The following SGCZ variants were observed in gnomAD, a reference collection of about 807,000 sequenced individuals.
The protein encoded by SGCZ is zeta-sarcoglycan.
SGCZ carries 40 observed loss-of-function variants against 41.3 expected under a neutral mutation model. The ratio of observed to expected loss-of-function variants is 0.97; its 90% CI spans 0.75 to 1.26. SGCZ has a LOEUF of 1.26. SGCZ is among the 50% of genes most tolerant of loss of function. SGCZ has a pLI of 0.00. For synonymous variants in SGCZ, 206 were observed against 137.5 expected (o/e 1.50, Z -3.49); for missense variants, 552 against 369.8 (o/e 1.49, Z -4.04).
At chr8:15,065,990 C>T (rs1021993870) in intron 1 of SGCZ, among the ~76,000 whole-genome samples, 4 of 152,126 alleles carry the variant, frequency 2.6e-5, no homozygotes, top group African/African-American at 9.7e-5. Flanking sequence ...TGACTTTATT[C>T]TAGTATTCAT....
chr8:15,106,148 G>A (rs1238893841), intron 1 of SGCZ, among the ~76,000 whole-genome samples: 1 of 151,846 alleles, frequency 6.6e-6, no homozygotes, highest in Non-Finnish European at 1.5e-5. Flanking sequence ...AATTTCATAT[G>A]TTTATTTTTC....
intron 1 of SGCZ, among the ~76,000 whole-genome samples, chr8:14,605,355 T>C (rs990263738): frequency 6.6e-6 from 1 of 152,136 alleles, no homozygotes; most frequent in African/African-American, 2.4e-5. Flanking sequence ...GCAATCATAT[T>C]AGGGCAAATT....
intron 2 of SGCZ, among the ~76,000 whole-genome samples, chr8:14,433,723 T>C (rs1800009774): frequency 6.6e-6 from 1 of 152,228 alleles, no homozygotes; most frequent in African/African-American, 2.4e-5. Flanking sequence ...GAAGCAAATC[T>C]GATTTTCAAT....
intron 1 of SGCZ, among the ~76,000 whole-genome samples, chr8:15,173,043 A>C (rs1799891642): frequency 6.6e-6 from 1 of 152,234 alleles, no homozygotes; most frequent in Non-Finnish European, 1.5e-5. Flanking sequence ...TCAAACATAT[A>C]AGTCCTCGAC....
chr8:15,211,703 T>A (rs577327498), intron 1 of SGCZ, among the ~76,000 whole-genome samples: 1 of 152,170 alleles, frequency 6.6e-6, no homozygotes, highest in African/African-American at 2.4e-5. Context: ...TGAATGGGAC[T>A]GGTTCTAGTA....
chr8:14,258,434 G>A (rs1799540135), intron 3 of SGCZ, among the ~76,000 whole-genome samples: 1 of 152,066 alleles, frequency 6.6e-6, no homozygotes, highest in East Asian at 1.9e-4. Context: ...AAATCATACT[G>A]CAAAAGATAG....
At chr8:14,564,140 C>A (rs1459244411) in intron 1 of SGCZ, among the ~76,000 whole-genome samples, 2 of 151,988 alleles carry the variant, frequency 1.3e-5, no homozygotes, top group Non-Finnish European at 2.9e-5. Context: ...TGAGAAATTG[C>A]TTTTAATTTC....
chr8:15,158,093 A>C (rs1170674995), intron 1 of SGCZ, among the ~76,000 whole-genome samples: 1 of 149,966 alleles, frequency 6.7e-6, no homozygotes, highest in African/African-American at 2.5e-5. Context: ...AATCCTTACC[A>C]TTTCTCCTTT....
chr8:14,352,105 TA>T (rs1803121895), intron 2 of SGCZ, among the ~76,000 whole-genome samples: 1 of 152,158 alleles, frequency 6.6e-6, no homozygotes, highest in Admixed American at 6.6e-5. Flanking sequence ...CTTCTTTCAT[TA>T]AAATTCACTC....
intron 2 of SGCZ, among the ~76,000 whole-genome samples, chr8:14,401,203 T>C (rs1198973150): frequency 2.0e-5 from 3 of 152,170 alleles, no homozygotes; most frequent in African/African-American, 7.2e-5. Context: ...CTTTGCATTA[T>C]GCATATCAAT....
intron 1 of SGCZ, among the ~76,000 whole-genome samples, chr8:14,881,097 A>T (rs191836545): frequency 3.9e-5 from 6 of 152,094 alleles, no homozygotes; most frequent in Admixed American, 1.3e-4. Context: ...CCCTCATTAT[A>T]TCTAATGAAA....
chr8:14,411,602 G>A (rs185022934), intron 2 of SGCZ, among the ~76,000 whole-genome samples: 1 of 151,834 alleles, frequency 6.6e-6, no homozygotes, highest in Non-Finnish European at 1.5e-5. Flanking sequence ...GCTTTCTGAG[G>A]GTATGAGCCA....
At chr8:14,464,327 T>G (rs1189065970) in intron 2 of SGCZ, among the ~76,000 whole-genome samples, 2 of 151,636 alleles carry the variant, frequency 1.3e-5, no homozygotes, top group Admixed American at 1.3e-4. Flanking sequence ...AATTTTCTAT[T>G]TCTTTGTGAT....
chr8:15,185,520 G>A (rs1316153346), intron 1 of SGCZ, among the ~76,000 whole-genome samples: 1 of 152,136 alleles, frequency 6.6e-6, no homozygotes, highest in Non-Finnish European at 1.5e-5. Context: ...CTTGATATAT[G>A]AGAAATCTAT....
intron 1 of SGCZ, among the ~76,000 whole-genome samples, chr8:14,929,492 A>G (rs1254572561): frequency 6.6e-6 from 1 of 150,876 alleles, no homozygotes; most frequent in Non-Finnish European, 1.5e-5. Flanking sequence ...TATAGACATT[A>G]GGTGAACCTG....
At chr8:14,094,656 C>T (rs900437848) in intron 7 of SGCZ, among the ~76,000 whole-genome samples, 20 of 152,026 alleles carry the variant, frequency 1.3e-4, no homozygotes, top group Admixed American at 2.0e-4. Context: ...ATCACAGTAA[C>T]GGGATTGATG....
chr8:14,824,575 C>T (rs923587785), intron 1 of SGCZ, among the ~76,000 whole-genome samples: 5 of 151,918 alleles, frequency 3.3e-5, no homozygotes, highest in Non-Finnish European at 7.4e-5. Flanking sequence ...ACCATTTGAA[C>T]TTTTAAAGCC....
intron 2 of SGCZ, among the ~76,000 whole-genome samples, chr8:14,347,182 T>C (rs994397477): frequency 6.6e-6 from 1 of 152,086 alleles, no homozygotes; most frequent in Admixed American, 6.6e-5. Context: ...TTCTTAGAAG[T>C]CTACGATCTA....
chr8:14,810,846 G>T (rs2130536404), intron 1 of SGCZ, among the ~76,000 whole-genome samples: 1 of 152,030 alleles, frequency 6.6e-6, no homozygotes, highest in South Asian at 2.1e-4. Context: ...ACACACCACT[G>T]ACTATAATAC....
Sources: gnomAD v4.1 joint callset for allele counts (sites outside exome capture counted in the v4.1 genomes callset) on GRCh38, gnomAD v4.1.1 for gene constraint, MANE v1.5 for transcripts, NCBI Gene and HGNC (gene_info 2026-07-23, HGNC 2026-07-21) for gene names.